The following GTF3C4 variants were observed in gnomAD, a reference collection of about 807,000 sequenced individuals.
GTF3C4 encodes the protein general transcription factor 3C polypeptide 4.
A neutral mutation model predicts 67.5 loss-of-function variants in GTF3C4; 28 were observed. That is an observed-to-expected ratio of 0.41 (90% CI 0.31 to 0.57). GTF3C4 has a LOEUF of 0.57. Among genes scored for constraint, GTF3C4 ranks in the 20% least tolerant of loss-of-function variants. GTF3C4 has a pLI of 0.21. For missense variants in GTF3C4, 831 were observed against 1,033.2 expected (o/e 0.80, Z 2.68); for synonymous variants, 409 against 393.0 (o/e 1.04, Z -0.48).
chr9:132,689,004 C>A lies in GTF3C4; in HGVS notation c.*59C>A. 1 of 1,276,518 alleles carries A rather than the reference C, an allele frequency of 7.8e-7. No individual in the cohort carries two copies. Among genetic ancestry groups the A allele is most frequent in the Non-Finnish European group, 1.1e-6 (1 of 877,660 alleles). 79.1% of individuals were successfully genotyped at this position (1,276,518 alleles called of 1,614,324 possible). Reference sequence around the variant, plus strand: ...GAACTCTGCCATAGAAAACTTCCTCCAGCCTGAAGAGAAGGATGCACTGGA... The same window carrying A: ...GAACTCTGCCATAGAAAACTTCCTCAAGCCTGAAGAGAAGGATGCACTGGA... On this transcript the variant is annotated 3_prime_UTR_variant, in exon 5 of 5. Coordinates refer to ENST00000372146, the MANE Select transcript of GTF3C4 (RefSeq NM_012204.4).
chr9:132,679,518 G>A lies in GTF3C4; in HGVS notation c.1899G>A (p.Lys633=). The change falls in exon 2 of 5, where the codon AAG becomes AAA. Residue 633 remains lysine (K), a synonymous_variant. Coordinates refer to ENST00000372146, the MANE Select transcript of GTF3C4 (RefSeq NM_012204.4). This position sits in a 1 kb window ranked among gnomAD's most constrained non-coding sequence, Gnocchi z 5.9. ...EEGTSSKQVV[K]QGLQERSKEG... is the part of the protein sequence containing the mutation. ...GCACTTCTTCCAAACAGGTGGTGAAGCAAGGCCTGCAGGAGAGGAGCAAGG... is the reference window on the plus strand; with the variant it reads ...GCACTTCTTCCAAACAGGTGGTGAAACAAGGCCTGCAGGAGAGGAGCAAGG... 1.2e-6 allele frequency: 2 copies of A among 1,614,180 alleles called. No individual in the cohort carries two copies. The highest frequency in any genetic ancestry group is 1.7e-6 in the Non-Finnish European group (2 of 1,180,040).
In GTF3C4 at chr9:132,670,968, C is replaced by T. The variant is rs1476777250; in HGVS notation, c.357+13C>T. 6 of 1,571,480 alleles carry T rather than the reference C, an allele frequency of 3.8e-6. No individual in the cohort carries two copies. Among genetic ancestry groups the T allele is most frequent in the Admixed American group, 3.3e-5 (2 of 59,862 alleles). On this transcript the variant is annotated intron_variant, in intron 1 of 4. Transcript: ENST00000372146. ...CTGTCTCCTCAAAGTAAGTCATCCCCCGCCATCCCTGGGGTCTTCCCCTGT... is the reference window on the plus strand; with the variant it reads ...CTGTCTCCTCAAAGTAAGTCATCCCTCGCCATCCCTGGGGTCTTCCCCTGT...
In GTF3C4 at chr9:132,692,055, G is replaced by A. The variant is rs1452532625; in HGVS notation, c.*3110G>A. The A allele has an allele frequency of 6.6e-6, 1 of 152,186 alleles. No individual in the cohort carries two copies. Among genetic ancestry groups the A allele is most frequent in the African/African-American group, 2.4e-5 (1 of 41,432 alleles). The allele number at this position is 152,186 out of a possible 1,614,324, so 9.4% of individuals were successfully genotyped here. ...TCTGCAACAGTTAAACTGCCTCAGA[G>A]TTTGTGAATTGCTGCAATTCCTGGA... On this transcript the variant is annotated 3_prime_UTR_variant, in exon 5 of 5. Transcript: ENST00000372146.
intron 1 of GTF3C4, 92 bp from the exon 2 acceptor site, chr9:132,677,885 G>C (rs1332860696): frequency 2.1e-6 from 2 of 969,184 alleles, no homozygotes; most frequent in East Asian, 2.4e-5. Flanking sequence ...TGGGAACCAG[G>C]CTATGAATAA....
rs776274426 is a variant in GTF3C4, at chr9:132,679,150, C to T, written c.1531C>T (p.Gln511Ter). ...CCCTGTTAACAAAAACTACCAGGTCCAATTTGTTACTCTCAAAACCTTTGA... is the reference window on the plus strand; with the variant it reads ...CCCTGTTAACAAAAACTACCAGGTCTAATTTGTTACTCTCAAAACCTTTGA... ...LHPVNKNYQVQFVTLKTFEEA... is the reference protein window; with the variant it reads ...LHPVNKNYQV The change falls in exon 2 of 5, where the codon CAA (glutamine) becomes TAA (stop). Residue 511 changes from glutamine to a stop codon, truncating the protein, a stop_gained. Transcript: ENST00000372146. LOFTEE classifies it high-confidence loss of function. The surrounding 1 kb of genome is among the most constrained non-coding windows in gnomAD (Gnocchi z 5.9). 6.2e-7 allele frequency: 1 copy of T among 1,614,150 alleles called. No individual in the cohort carries two copies. Among genetic ancestry groups the T allele is most frequent in the Non-Finnish European group, 8.5e-7 (1 of 1,180,004 alleles).
rs185513581 is a variant in GTF3C4 at position 132,676,150 on chromosome 9, C to T, written c.358-1827C>T. Among the ~76,000 whole-genome samples the T allele has an allele frequency of 6.9e-3, 1,049 of 152,096 alleles. 10 individuals are homozygous for T. Among genetic ancestry groups the T allele is most frequent in the African/African-American group, 0.023 (973 of 41,498 alleles). On this transcript the variant is annotated intron_variant, in intron 1 of 4. Coordinates refer to ENST00000372146, the MANE Select transcript of GTF3C4 (RefSeq NM_012204.4). Reference sequence around the variant, plus strand: ...TCCTGACCTCATGATCCGCCCACCTCAGCCTCCCAAAGTGCTGGGATTACA... The same window carrying T: ...TCCTGACCTCATGATCCGCCCACCTTAGCCTCCCAAAGTGCTGGGATTACA...
chr9:132,688,064 A>T (rs1466834393), intron 4 of GTF3C4, among the ~76,000 whole-genome samples: 1 of 152,232 alleles, frequency 6.6e-6, no homozygotes, highest in Admixed American at 6.5e-5. Context: ...TCTAATTCTC[A>T]TAAGTTGGTA....
At chr9:132,680,180 G>T (rs1174068733) in intron 2 of GTF3C4, among the ~76,000 whole-genome samples, 1 of 152,150 alleles carries the variant, frequency 6.6e-6, no homozygotes, top group Non-Finnish European at 1.5e-5. Flanking sequence ...TATGGGAGGG[G>T]TGTAGTGACA....
Position 132,692,468 on chromosome 9 carries a change from C to T in GTF3C4, c.*3523C>T, listed in dbSNP as rs112974602. On this transcript the variant is annotated 3_prime_UTR_variant, in exon 5 of 5. Coordinates refer to ENST00000372146, the MANE Select transcript of GTF3C4 (RefSeq NM_012204.4). The stretch of plus-strand genomic sequence containing the variant: ...CTCCTTCCCACCACCTGTTTCCCCT[C>T]ACTCCCACCCCCAGCCAATATTCTT... 9.2e-5 allele frequency: 14 copies of T among 152,254 alleles called. No individual in the cohort carries two copies. Among genetic ancestry groups the T allele is most frequent in the African/African-American group, 3.1e-4 (13 of 41,538 alleles). The allele number at this position is 152,254 out of a possible 1,614,324, so 9.4% of individuals were successfully genotyped here. A position where few individuals can be genotyped will look rare whatever the true frequency, so the allele number is the denominator to read the frequency against.
In GTF3C4 at chr9:132,691,033, A is replaced by T. The variant is rs149564576; in HGVS notation, c.*2088A>T. ...TTTTTGTATGTCTCTCTAGGAGTAA[A>T]CATGGCAACAGTTTTTCTAGAACGT... On this transcript the variant is annotated 3_prime_UTR_variant, in exon 5 of 5. Coordinates refer to ENST00000372146, the MANE Select transcript of GTF3C4 (RefSeq NM_012204.4). 8 of 152,292 alleles carry T rather than the reference A, an allele frequency of 5.3e-5. No homozygotes were observed. The East Asian group carries it at 1.5e-3, about 29-fold the overall frequency. 9.4% of individuals were successfully genotyped at this position (152,292 alleles called of 1,614,324 possible).
rs956649378 is a variant in GTF3C4, at chr9:132,679,054, G to A, written c.1435G>A (p.Gly479Arg). ...SDVFGSVRTHGIAVSPCGAYL... is the reference protein window; with the variant it reads ...SDVFGSVRTHRIAVSPCGAYL... ...TGTGTTTGGCTCAGTGAGGACTCACGGGATAGCAGTGAGCCCCTGCGGTGC... is the reference window on the plus strand; with the variant it reads ...TGTGTTTGGCTCAGTGAGGACTCACAGGATAGCAGTGAGCCCCTGCGGTGC... The change falls in exon 2 of 5, where the codon GGG becomes AGG. Residue 479 changes from glycine to arginine, a missense_variant. By Grantham distance (125) the Gly-to-Arg change is moderately radical (BLOSUM62 -2). Transcript: ENST00000372146. The surrounding 1 kb of genome is among the most constrained non-coding windows in gnomAD (Gnocchi z 5.9). 5 of 1,614,122 alleles carry A rather than the reference G, an allele frequency of 3.1e-6. No homozygotes were observed. Among genetic ancestry groups the A allele is most frequent in the Admixed American group, 1.7e-5 (1 of 60,020 alleles).
chr9:132,670,111 G>A (rs576223388), upstream of GTF3C4: 43 of 1,576,568 alleles, frequency 2.7e-5, no homozygotes, highest in African/African-American at 2.4e-4. Flanking sequence ...GGGCGGGTAG[G>A]GACAAGACTA....
chr9:132,670,431 A>G (rs1835685429), upstream of GTF3C4: 2 of 978,594 alleles, frequency 2.0e-6, no homozygotes, highest in African/African-American at 1.7e-5. Context: ...GCCACCTGGT[A>G]GGGCCGCGTT....
At chr9:132,675,026 CAA>C (rs934457060) in intron 1 of GTF3C4, among the ~76,000 whole-genome samples, 7 of 152,100 alleles carry the variant, frequency 4.6e-5, no homozygotes, top group African/African-American at 1.2e-4. Context: ...AGAGGAATCT[CAA>C]AAGTTTTTTT....
Position 132,678,822 on chromosome 9 carries a change from G to C in GTF3C4, c.1203G>C (p.Trp401Cys), listed in dbSNP as rs764806134. ...VVAARGSYVF[W>C]CLLLISKAGL... ...CTGCAAGAGGCTCTTATGTATTTTG[G>C]TGTCTTCTTCTGATCTCCAAAGCAG... is the stretch of plus-strand genomic sequence containing the variant. Residue 401 changes from tryptophan (W) to cysteine (C), a missense_variant, in exon 2 of 5, where the codon TGG (tryptophan) becomes TGC (cysteine). By Grantham distance (215) the Trp-to-Cys change is radical. Transcript: ENST00000372146. This position sits in a 1 kb window ranked among gnomAD's most constrained non-coding sequence, Gnocchi z 6.5. The C allele has an allele frequency of 1.9e-6, 3 of 1,614,144 alleles. No homozygotes were observed. Among genetic ancestry groups the C allele is most frequent in the Non-Finnish European group, 2.5e-6 (3 of 1,180,024 alleles).
intron 2 of GTF3C4, among the ~76,000 whole-genome samples, chr9:132,681,031 C>G (rs1235984239): frequency 6.6e-6 from 1 of 152,176 alleles, no homozygotes; most frequent in Non-Finnish European, 1.5e-5. Flanking sequence ...TCGCTTGAAC[C>G]TGGGAGGCGA....
chr9:132,687,340 C>A lies in GTF3C4; in HGVS notation c.2404+13C>A. ...CCAGCTCCAGAAGGTGAGTGCTTTC[C>A]CTTACTTGGGAGGGTGGGTGGGTGG... On this transcript the variant is annotated intron_variant, in intron 4 of 4. Coordinates refer to ENST00000372146, the MANE Select transcript of GTF3C4 (RefSeq NM_012204.4). 2 of 530,416 alleles carry A rather than the reference C, an allele frequency of 3.8e-6. No homozygotes were observed. Among genetic ancestry groups the A allele is most frequent in the Non-Finnish European group, 7.2e-6 (2 of 277,826 alleles). 32.9% of individuals were successfully genotyped at this position (530,416 alleles called of 1,614,324 possible). A position where few individuals can be genotyped will look rare whatever the true frequency, so the allele number is the denominator to read the frequency against.
In GTF3C4 at chr9:132,690,152, T is replaced by A. The variant is rs1836092662; in HGVS notation, c.*1207T>A. On this transcript the variant is annotated 3_prime_UTR_variant, in exon 5 of 5. Transcript: ENST00000372146. ...GGTGAAACCGTGTCTCTACTAAAAATACAAAAATTAGCCAGGCGTGGTGGT... is the reference window on the plus strand; with the variant it reads ...GGTGAAACCGTGTCTCTACTAAAAAAACAAAAATTAGCCAGGCGTGGTGGT... The A allele has an allele frequency of 6.6e-6, 1 of 152,180 alleles. No individual in the cohort carries two copies. Among genetic ancestry groups the A allele is most frequent in the Non-Finnish European group, 1.5e-5 (1 of 68,124 alleles). The allele number at this position is 152,180 out of a possible 1,614,324, so 9.4% of individuals were successfully genotyped here.
At chr9:132,677,220 G>A (rs1036221268) in intron 1 of GTF3C4, among the ~76,000 whole-genome samples, 8 of 152,104 alleles carry the variant, frequency 5.3e-5, no homozygotes. Context: ...TGACCAACAT[G>A]GTGAAACCCT....
Sources: gnomAD v4.1 joint callset for allele counts (sites outside exome capture counted in the v4.1 genomes callset) on GRCh38, gnomAD v4.1.1 for gene constraint, Gnocchi (gnomAD v3.1) non-coding constraint, MANE v1.5 for transcripts, NCBI Gene and HGNC (gene_info 2026-07-23, HGNC 2026-07-21) for gene names.